Variants in CCDC125 observed in about 807,000 individuals in gnomAD.
CCDC125 encodes coiled-coil domain-containing protein 125.
In CCDC125, 43 loss-of-function variants were observed where a neutral mutation model predicts 57.4. That is an observed-to-expected ratio of 0.75 (90% CI 0.59 to 0.97). The LOEUF (loss-of-function observed/expected upper bound fraction) is 0.97, where lower values mean the gene tolerates loss of function less well. CCDC125 is among the 50% of genes least tolerant of loss of function. The pLI, the probability that CCDC125 is intolerant of heterozygous loss-of-function variation, is 0.00. For missense variants in CCDC125, 563 were observed against 595.7 expected (o/e 0.95, Z 0.57); for synonymous variants, 187 against 195.2 (o/e 0.96, Z 0.35).
chr5:69,285,182 A>G (rs750297214), intron 11 of CCDC125, among the ~76,000 whole-genome samples, 155 bp downstream of exon 11: 3 of 152,248 alleles, frequency 2.0e-5, no homozygotes, highest in Non-Finnish European at 4.4e-5. Flanking sequence ...AAAAATATAT[A>G]TATATATCAA....
intron 10 of CCDC125, among the ~76,000 whole-genome samples, chr5:69,286,393 G>A (rs1295381355): frequency 2.7e-5 from 4 of 150,864 alleles, no homozygotes; most frequent in Non-Finnish European, 5.9e-5. Context: ...CACCACGTCC[G>A]GCTAATTTTT....
intron 10 of CCDC125, among the ~76,000 whole-genome samples, chr5:69,286,131 G>A (rs1253838486): frequency 7.3e-6 from 1 of 136,236 alleles, no homozygotes; most frequent in Non-Finnish European, 1.5e-5. Context: ...TGGTGATGAA[G>A]GTTACATTAC....
At chr5:69,286,233 T>TA (rs1227583360) in intron 10 of CCDC125, among the ~76,000 whole-genome samples, 1 of 106,388 alleles carries the variant, frequency 9.4e-6, no homozygotes, top group Non-Finnish European at 1.9e-5. Context: ...TATATATATA[T>TA]AATTTTTTTT....
At chr5:69,293,923 T>C (rs557505887) in intron 9 of CCDC125, 1 of 152,512 alleles carries the variant, frequency 6.6e-6, no homozygotes, top group African/African-American at 2.4e-5. Flanking sequence ...ATGTTCATGG[T>C]GCTGTGCTAA....
chr5:69,314,691 T>C (rs1758725033), intron 2 of CCDC125, among the ~76,000 whole-genome samples: 1 of 151,950 alleles, frequency 6.6e-6, no homozygotes, highest in African/African-American at 2.4e-5. Flanking sequence ...GGAGTCCCAG[T>C]TACGTGGGAG....
At chr5:69,292,390 G>A in intron 9 of CCDC125, 28 bp from the exon 10 acceptor site, 2 of 1,588,008 alleles carry the variant, frequency 1.3e-6, no homozygotes, top group Middle Eastern at 1.7e-4. Context: ...TTTGGGAGGT[G>A]TCAGAGGCAA....
chr5:69,277,299 A>G (rs1752249785), downstream of CCDC125: 1 of 452,302 alleles, frequency 2.2e-6, no homozygotes, highest in Non-Finnish European at 3.9e-6. Context: ...GTATTTTAAA[A>G]TAAAAATTTA....
At chr5:69,322,644 C>A (rs1458353537) in intron 1 of CCDC125, among the ~76,000 whole-genome samples, 1 of 151,820 alleles carries the variant, frequency 6.6e-6, no homozygotes, top group South Asian at 2.1e-4. Flanking sequence ...CTCACAGCAA[C>A]CTCCGCCTCC....
intron 3 of CCDC125, among the ~76,000 whole-genome samples, chr5:69,312,514 TG>T (rs1758325172): frequency 6.6e-6 from 1 of 152,188 alleles, no homozygotes; most frequent in African/African-American, 2.4e-5. Flanking sequence ...ACCAAGGCAG[TG>T]GGCTACTCAG....
At chr5:69,296,136 C>G (rs1405137226) in intron 8 of CCDC125, among the ~76,000 whole-genome samples, 1 of 152,042 alleles carries the variant, frequency 6.6e-6, no homozygotes, top group African/African-American at 2.4e-5. Context: ...CCCGCCTCAG[C>G]CTCCCAAAGT....
chr5:69,276,721 T>C, downstream of CCDC125: 2 of 1,595,298 alleles, frequency 1.3e-6, no homozygotes, highest in Admixed American at 1.8e-5. Flanking sequence ...AGAAATTAAA[T>C]GAATTTAGAA....
rs149752362 is a variant in CCDC125, at chr5:69,287,291, C to T, written c.1100-1824G>A. ...TTTTTTTTTTTTTTTGAGATGGAGT[C>T]TCGCTTTTGTCGCCCAGGCTGGAGT... On this transcript the variant is annotated intron_variant, in intron 10 of 11. Transcript: ENST00000396496. Among the ~76,000 whole-genome samples, 962 of 140,108 alleles carry T rather than the reference C, an allele frequency of 6.9e-3. 13 individuals carry two copies. The highest frequency in any genetic ancestry group is 0.024 in the African/African-American group (916 of 37,966). 91.9% of individuals were successfully genotyped at this position (140,108 alleles called of 152,430 possible).
At chr5:69,306,572 C>G (rs564215965) in intron 6 of CCDC125, among the ~76,000 whole-genome samples, 1 of 152,146 alleles carries the variant, frequency 6.6e-6, no homozygotes. Flanking sequence ...AAGTGATCCT[C>G]AGATCCAAGT....
chr5:69,293,647 C>CAAAA (rs10548889), intron 9 of CCDC125, among the ~76,000 whole-genome samples: 4 of 131,558 alleles, frequency 3.0e-5, no homozygotes, highest in East Asian at 2.2e-4. Flanking sequence ...GAATCCGTCT[C>CAAAA]AAAAAAAAAA....
intron 11 of CCDC125, 98 bp from the exon 12 acceptor site, chr5:69,283,132 C>T (rs1752688426): frequency 1.0e-6 from 1 of 953,722 alleles, no homozygotes; most frequent in Non-Finnish European, 1.5e-6. Flanking sequence ...GTTATTCAAC[C>T]CTAATATTCA....
At position 69,308,383 on chromosome 5, in the gene CCDC125, AC is replaced by A. The variant is rs1355735732; in HGVS notation, c.454-356del. The A allele has an allele frequency of 6.7e-5, 18 of 269,784 alleles. No homozygotes were observed. The South Asian group carries it at 7.3e-4, about 11-fold the overall frequency. 16.7% of individuals were successfully genotyped at this position (269,784 alleles called of 1,614,324 possible). The stretch of plus-strand genomic sequence containing the variant: ...CATAATTACCACATGTTGTGAGAGG[AC>A]CCGGTGGGAGATAATCTGAATCATG... On this transcript the variant is annotated intron_variant, in intron 4 of 11. Transcript: ENST00000396496.
chr5:69,291,072 A>T (rs1754380924), intron 10 of CCDC125, among the ~76,000 whole-genome samples: 2 of 152,244 alleles, frequency 1.3e-5, no homozygotes, highest in Non-Finnish European at 2.9e-5. Flanking sequence ...GAAAATATTT[A>T]GAAATACAGT....
chr5:69,283,253 T>G (rs532214299), intron 11 of CCDC125, among the ~76,000 whole-genome samples: 1 of 149,054 alleles, frequency 6.7e-6, no homozygotes, highest in Non-Finnish European at 1.5e-5. Flanking sequence ...GGAGTCTGGC[T>G]CTGTCACCCA....
At chr5:69,283,420 CTG>C (rs1351023826) in intron 11 of CCDC125, among the ~76,000 whole-genome samples, 1 of 152,016 alleles carries the variant, frequency 6.6e-6, no homozygotes, top group Non-Finnish European at 1.5e-5. Context: ...CGGGGTTTCA[CTG>C]TGTTTGCCAG....
Sources: allele counts gnomAD v4.1 joint callset (sites outside exome capture counted in the v4.1 genomes callset), GRCh38; gene constraint gnomAD v4.1.1; transcripts MANE v1.5; gene names NCBI Gene and HGNC (gene_info 2026-07-23, HGNC 2026-07-21).